Variants in WDR82 observed in about 807,000 individuals in gnomAD.
WDR82 encodes WD repeat-containing protein 82.
WDR82 carries 8 observed loss-of-function variants against 36.1 expected under a neutral mutation model. The observed-to-expected ratio is 0.22, with a 90% CI of 0.13 to 0.40. The LOEUF is 0.40. WDR82 is among the 10% of genes least tolerant of loss of function. The pLI is 1.00. For synonymous variants in WDR82, 129 were observed against 137.8 expected, an observed-to-expected ratio of 0.94 and a Z score of 0.45; for missense variants, 185 against 400.5, an observed-to-expected ratio of 0.46 and a Z score of 4.59.
chr3:52,269,778 TAAAG>T (rs975221325), intron 2 of WDR82, among the ~76,000 whole-genome samples: 1 of 152,100 alleles, frequency 6.6e-6, no homozygotes, highest in African/African-American at 2.4e-5. Context: ...ATTAAAAAAT[TAAAG>T]AATTCTAACA....
At chr3:52,275,273 TTC>T (rs1279591946) in intron 1 of WDR82, among the ~76,000 whole-genome samples, 1 of 152,226 alleles carries the variant, frequency 6.6e-6, no homozygotes, top group African/African-American at 2.4e-5. Context: ...AAGGAAATAC[TTC>T]TTTTCTTCTG....
chr3:52,270,361 C>A (rs764301393), intron 2 of WDR82, among the ~76,000 whole-genome samples: 1 of 152,198 alleles, frequency 6.6e-6, no homozygotes, highest in African/African-American at 2.4e-5. Context: ...CTCAGTGATC[C>A]GCCCACCTCA....
At chr3:52,272,312 G>A (rs1003173055) in intron 1 of WDR82, among the ~76,000 whole-genome samples, 1 of 152,208 alleles carries the variant, frequency 6.6e-6, no homozygotes, top group Non-Finnish European at 1.5e-5. Flanking sequence ...GGGAGGCCGA[G>A]GAGGGTGGAT....
chr3:52,266,814 A>AT (rs1157227004), intron 3 of WDR82, 138 bp downstream of exon 3: 2 of 701,458 alleles, frequency 2.9e-6, no homozygotes, highest in Admixed American at 2.4e-5. Flanking sequence ...AGAGTTGACT[A>AT]TTTAAGAGAA....
chr3:52,254,656 TAATTAC>T lies in WDR82; in HGVS notation c.*2828_*2833del, dbSNP rs1179696453. On this transcript the variant is annotated 3_prime_UTR_variant, in exon 9 of 9. Coordinates refer to ENST00000296490, the MANE Select transcript of WDR82 (RefSeq NM_025222.4). ...TATTTTCCTTAATAAGCAGTAATTA[TAATTAC>T]AACGGGAAATAATTTCTTTAAGTAC... is the stretch of plus-strand genomic sequence containing the variant. 6.6e-6 allele frequency: 1 copy of T among 152,622 alleles called. No individual in the cohort carries two copies. Among genetic ancestry groups the T allele is most frequent in the East Asian group, 1.9e-4 (1 of 5,198 alleles). 9.5% of individuals were successfully genotyped at this position (152,622 alleles called of 1,614,324 possible). A position where few individuals can be genotyped will look rare whatever the true frequency, so the allele number is the denominator to read the frequency against.
intron 1 of WDR82, among the ~76,000 whole-genome samples, chr3:52,271,622 A>G (rs1700154926): frequency 6.6e-6 from 1 of 152,202 alleles, no homozygotes; most frequent in Admixed American, 6.5e-5. Flanking sequence ...TGATTCCTCA[A>G]AACTGAAACC....
At chr3:52,261,706 A>T (rs1414860138) in intron 3 of WDR82, among the ~76,000 whole-genome samples, 1 of 152,242 alleles carries the variant, frequency 6.6e-6, no homozygotes, top group South Asian at 2.1e-4. Flanking sequence ...TATGATTCCA[A>T]TGCAAATCAA....
chr3:52,263,122 C>T (rs548229528), intron 3 of WDR82, among the ~76,000 whole-genome samples: 4 of 152,242 alleles, frequency 2.6e-5, no homozygotes, highest in African/African-American at 9.6e-5. Context: ...AGCAAGGCAC[C>T]GTCTCAAAAA....
At chr3:52,267,925 TAGAA>T (rs1700120247) in intron 2 of WDR82, 1 of 157,730 alleles carries the variant, frequency 6.3e-6, no homozygotes, top group Admixed American at 6.1e-5. Context: ...AAGAAAACCA[TAGAA>T]AGAACATTCT....
At chr3:52,268,845 G>C (rs1198061292) in intron 2 of WDR82, among the ~76,000 whole-genome samples, 1 of 151,096 alleles carries the variant, frequency 6.6e-6, no homozygotes, top group Non-Finnish European at 1.5e-5. Context: ...TTGTTTTTTT[G>C]AGATGGAGCC....
chr3:52,257,616 C>A, intron 8 of WDR82, 97 bp from the exon 9 acceptor site: 1 of 1,491,324 alleles, frequency 6.7e-7, no homozygotes, highest in South Asian at 1.2e-5. Flanking sequence ...GTGCCCAACC[C>A]CAGTGGCTCT....
intron 2 of WDR82, chr3:52,267,898 T>C (rs991191379): frequency 1.9e-5 from 3 of 154,938 alleles, no homozygotes; most frequent in African/African-American, 7.3e-5. Context: ...TAAGGGAAAA[T>C]GGTACCAAAA....
At chr3:52,271,590 T>G (rs1222167920) in intron 1 of WDR82, among the ~76,000 whole-genome samples, 1 of 94,208 alleles carries the variant, frequency 1.1e-5, no homozygotes, top group African/African-American at 6.8e-5. Context: ...AAGCTCTGTG[T>G]TTTTTTTTTT....
At chr3:52,272,621 T>C (rs1447921962) in intron 1 of WDR82, among the ~76,000 whole-genome samples, 1 of 151,968 alleles carries the variant, frequency 6.6e-6, no homozygotes, top group African/African-American at 2.4e-5. Context: ...AAAATAACTC[T>C]CCAATACGAT....
intron 2 of WDR82, chr3:52,268,371 CA>C (rs1201066649): frequency 4.2e-6 from 2 of 471,588 alleles, no homozygotes; most frequent in Non-Finnish European, 8.8e-6. Context: ...TGGAATCAGG[CA>C]AAAGGAAACG....
At chr3:52,268,179 C>A in intron 2 of WDR82, 1 of 360,384 alleles carries the variant, frequency 2.8e-6, no homozygotes, top group Non-Finnish European at 6.0e-6. Context: ...CTCACCTGCC[C>A]TAAGAAGAAA....
rs1699997232 is a variant in WDR82 at position 52,255,368 on chromosome 3, T to C, written c.*2122A>G. On this transcript the variant is annotated 3_prime_UTR_variant, in exon 9 of 9. Transcript: ENST00000296490. The stretch of plus-strand genomic sequence containing the variant: ...CTGGTTGCAGATATGTGAAGTTAGG[T>C]AGCCTTTCCTGTTAACCCATGGTTC... The C allele has an allele frequency of 6.6e-6, 1 of 152,170 alleles. No individual in the cohort carries two copies. Among genetic ancestry groups the C allele is most frequent in the South Asian group, 2.1e-4 (1 of 4,830 alleles). The allele number at this position is 152,170 out of a possible 1,614,324, so 9.4% of individuals were successfully genotyped here. A position where few individuals can be genotyped will look rare whatever the true frequency, so the allele number is the denominator to read the frequency against.
At chr3:52,273,763 AG>A (rs1417466527) in intron 1 of WDR82, among the ~76,000 whole-genome samples, 2 of 152,272 alleles carry the variant, frequency 1.3e-5, no homozygotes, top group East Asian at 3.9e-4. Flanking sequence ...CTGGGATTAC[AG>A]GCCCCTGCCA....
intron 8 of WDR82, among the ~76,000 whole-genome samples, chr3:52,258,002 C>T (rs1485090715): frequency 1.3e-5 from 2 of 151,952 alleles, no homozygotes; most frequent in African/African-American, 4.8e-5. Context: ...GTCTCATCCC[C>T]GAATACCCAG....
Sources: allele counts gnomAD v4.1 joint callset (sites outside exome capture counted in the v4.1 genomes callset), GRCh38; gene constraint gnomAD v4.1.1; transcripts MANE v1.5; gene names NCBI Gene and HGNC (gene_info 2026-07-23, HGNC 2026-07-21).